Variants in MZT2A observed in about 807,000 individuals in gnomAD.
The protein encoded by MZT2A is mitotic spindle organizing protein 2A.
A neutral mutation model predicts 12.4 loss-of-function variants in MZT2A; 8 were observed. That is an observed-to-expected ratio of 0.64 (90% confidence interval 0.38 to 1.16). MZT2A has a LOEUF of 1.16. Ranked by LOEUF, MZT2A falls within the 50% of genes most tolerant of loss-of-function variation. The pLI is 0.01. For synonymous variants in MZT2A, 88 were observed against 107.5 expected, an observed-to-expected ratio of 0.82 and a Z score of 1.12; for missense variants, 181 against 223.6, an observed-to-expected ratio of 0.81 and a Z score of 1.22.
chr2:131,492,910 A>T, upstream of MZT2A: 1 of 1,513,200 alleles, frequency 6.6e-7, no homozygotes, highest in Non-Finnish European at 8.9e-7. Context: ...TCAGCTAAGG[A>T]CCACTCCCTC....
upstream of MZT2A, among the ~76,000 whole-genome samples, chr2:131,493,582 T>C (rs1360103625): frequency 6.6e-6 from 1 of 151,922 alleles, no homozygotes; most frequent in Non-Finnish European, 1.5e-5. Context: ...TGGAAACAAG[T>C]GGGCGCGTGC....
intron 2 of MZT2A, among the ~76,000 whole-genome samples, chr2:131,488,740 T>G (rs936987781): frequency 6.6e-6 from 1 of 152,116 alleles, no homozygotes; most frequent in African/African-American, 2.4e-5. Context: ...CCTCCTCAGG[T>G]TCCACTCTAT....
intron 1 of MZT2A, 66 bp downstream of exon 1, chr2:131,492,141 G>C: frequency 6.5e-7 from 1 of 1,538,874 alleles, no homozygotes. Context: ...CAGCGGGCCG[G>C]GCGTACCCGG....
intron 2 of MZT2A, among the ~76,000 whole-genome samples, chr2:131,488,023 T>G (rs2104737108): frequency 6.6e-6 from 1 of 152,282 alleles, no homozygotes; most frequent in Non-Finnish European, 1.5e-5. Context: ...AGCCTCGGCC[T>G]CCCAAGGTGT....
chr2:131,485,439 A>G (rs560307751), intron 2 of MZT2A, among the ~76,000 whole-genome samples: 1 of 152,166 alleles, frequency 6.6e-6, no homozygotes, highest in African/African-American at 2.4e-5. Flanking sequence ...CCCTCATAGA[A>G]ACTCCACACC....
At chr2:131,491,505 G>T (rs1679301955) in intron 2 of MZT2A, 1 of 392,856 alleles carries the variant, frequency 2.5e-6, no homozygotes, top group Non-Finnish European at 4.7e-6. Context: ...GGCCTCAAAG[G>T]ATCCTCCCGC....
intron 2 of MZT2A, among the ~76,000 whole-genome samples, chr2:131,472,594 A>G (rs1295513342): frequency 6.6e-6 from 1 of 152,242 alleles, no homozygotes; most frequent in African/African-American, 2.4e-5. Context: ...CCATAAAGTT[A>G]TAATACCATA....
intron 2 of MZT2A, chr2:131,490,417 C>G: frequency 8.0e-7 from 1 of 1,243,996 alleles, no homozygotes; most frequent in Non-Finnish European, 1.0e-6. Context: ...CTGCACCCGG[C>G]TGGCTGTCTT....
upstream of MZT2A, among the ~76,000 whole-genome samples, chr2:131,493,676 A>G (rs1679438635): frequency 7.1e-6 from 1 of 141,520 alleles, no homozygotes; most frequent in African/African-American, 2.5e-5. Context: ...AAAACAAAAC[A>G]AAACGAAACA....
chr2:131,469,821 G>C (rs1349380252), intron 4 of MZT2A: 1 of 117,790 alleles, frequency 8.5e-6, no homozygotes, highest in Non-Finnish European at 1.6e-5. Flanking sequence ...TTTTTTTTTT[G>C]AGACAGAGTT....
intron 2 of MZT2A, chr2:131,476,087 C>T (rs1678653737): frequency 1.3e-6 from 2 of 1,542,156 alleles, no homozygotes; most frequent in Non-Finnish European, 1.8e-6. Flanking sequence ...CTGGCACCGG[C>T]GGGCCAATCC....
chr2:131,469,970 A>G (rs2621961), intron 4 of MZT2A: 53,360 of 238,438 alleles, frequency 0.22, 8,614 homozygotes, highest in East Asian at 0.72. Context: ...TGCCTGGTTA[A>G]TTTTTGCATT....
upstream of MZT2A, chr2:131,492,616 T>C: frequency 8.2e-7 from 1 of 1,215,916 alleles, no homozygotes; most frequent in Non-Finnish European, 1.0e-6. Flanking sequence ...AGGGGCCAGC[T>C]GCTTGGCGGT....
At position 131,492,334 on chromosome 2, in the gene MZT2A, G is replaced by A. The variant is rs781700123; in HGVS notation, c.43C>T (p.Pro15Ser). The change falls in exon 1 of 3, where the codon CCC becomes TCC. Residue 15 changes from proline (P) to serine (S), a missense_variant. By Grantham distance (74) the Pro-to-Ser change is moderately conservative. Coordinates refer to ENST00000309451, the MANE Select transcript of MZT2A (RefSeq NM_001085365.2). The stretch of plus-strand genomic sequence containing the variant: ...TGCCGGGCCGCCTCCAGCCCCGGGG[G>A]CGCCGCCGACCCCGGCCCAGGCCCT... ...GVGPGPGSAAPPGLEAARQKL... is the reference protein window; with the variant it reads ...GVGPGPGSAASPGLEAARQKL... 6.6e-6 allele frequency: 10 copies of A among 1,508,010 alleles called. No individual in the cohort carries two copies. Among genetic ancestry groups the A allele is most frequent in the African/African-American group, 3.0e-5 (2 of 67,336 alleles). 93.4% of individuals were successfully genotyped at this position (1,508,010 alleles called of 1,614,324 possible).
At chr2:131,492,117 G>A (rs1679343746) in intron 1 of MZT2A, 90 bp downstream of exon 1, 5 of 1,551,574 alleles carry the variant, frequency 3.2e-6, no homozygotes, top group African/African-American at 1.4e-5. Flanking sequence ...GGGGCAGCGG[G>A]GGCTCCTCCC....
At chr2:131,491,092 C>T in intron 2 of MZT2A, 1 of 799,250 alleles carries the variant, frequency 1.3e-6, no homozygotes, top group African/African-American at 1.7e-5. Flanking sequence ...AGGGAGCCAG[C>T]TCTGGGCCTC....
At chr2:131,482,863 G>A (rs778304916), downstream of MZT2A, 2 of 1,609,088 alleles carry the variant, frequency 1.2e-6, no homozygotes, top group Non-Finnish European at 1.7e-6. Context: ...AGGGTGTGGT[G>A]GGTTCTCCCC....
At chr2:131,482,888 T>C (rs367652860), downstream of MZT2A, 2 of 1,590,046 alleles carry the variant, frequency 1.3e-6, no homozygotes, top group East Asian at 4.5e-5. Flanking sequence ...ACCCCCGGGA[T>C]GGCTGCTTCC....
At chr2:131,488,931 CT>C (rs779432960) in intron 2 of MZT2A, among the ~76,000 whole-genome samples, 1 of 150,454 alleles carries the variant, frequency 6.6e-6, no homozygotes, top group Non-Finnish European at 1.5e-5. Flanking sequence ...ATGGCACCCC[CT>C]AATCCTCCTG....
Sources: allele counts gnomAD v4.1 joint callset (sites outside exome capture counted in the v4.1 genomes callset), GRCh38; gene constraint gnomAD v4.1.1; transcripts MANE v1.5; gene names NCBI Gene and HGNC (gene_info 2026-07-23, HGNC 2026-07-21).